Variants in AGPAT4 observed in about 807,000 individuals in gnomAD.
AGPAT4 encodes 1-acyl-sn-glycerol-3-phosphate acyltransferase delta.
A neutral mutation model predicts 48.0 loss-of-function variants in AGPAT4; 15 were observed. The ratio of observed to expected loss-of-function variants is 0.31; its 90% confidence interval spans 0.21 to 0.48. The LOEUF (loss-of-function observed/expected upper bound fraction) is 0.48, where lower values mean the gene tolerates loss of function less well. Among genes scored for constraint, AGPAT4 ranks in the 20% least tolerant of loss-of-function variants. AGPAT4 has a pLI of 0.99. For missense variants in AGPAT4, 314 were observed against 482.5 expected (o/e 0.65, Z 3.27); for synonymous variants, 178 against 198.7 (o/e 0.90, Z 0.88).
In AGPAT4 at chr6:161,166,539, G is replaced by T; in HGVS notation, c.179-122C>A. On this transcript the variant is annotated intron_variant, in intron 2 of 8. Transcript: ENST00000320285. This position sits in a 1 kb window ranked among gnomAD's most constrained non-coding sequence, Gnocchi z 6.7. ...AGCAACTTCTACGGGCAAAGTTCTG[G>T]ATCGTTGCAGCACAGACCTTGGTCC... 1 of 1,166,784 alleles carries T rather than the reference G, an allele frequency of 8.6e-7. No individual in the cohort carries two copies. The highest frequency in any genetic ancestry group is 1.2e-6 in the Non-Finnish European group (1 of 835,098). The allele number at this position is 1,166,784 out of a possible 1,614,324, so 72.3% of individuals were successfully genotyped here.
At position 161,139,654 on chromosome 6, in the gene AGPAT4, C is replaced by T. The variant is rs1033789646; in HGVS notation, c.844-34G>A. 2.6e-6 allele frequency: 4 copies of T among 1,551,572 alleles called. No homozygotes were observed. Among genetic ancestry groups the T allele is most frequent in the Non-Finnish European group, 3.5e-6 (4 of 1,142,282 alleles). The stretch of plus-strand genomic sequence containing the variant: ...CAGGAAAGAGGACCCTCAGACGCCA[C>T]ACGGGGCTCGGTGGCAGGTCCCTCC... On this transcript the variant is annotated intron_variant, in intron 7 of 8. Coordinates refer to ENST00000320285, the MANE Select transcript of AGPAT4 (RefSeq NM_020133.3). This position sits in a 1 kb window ranked among gnomAD's most constrained non-coding sequence, Gnocchi z 9.1.
At position 161,172,509 on chromosome 6, in the gene AGPAT4, G is replaced by A. The variant is rs1052131327; in HGVS notation, c.179-6092C>T. ...AAAGAAGCCTGTCCCTAGCCAGGAC[G>A]GCCACCTGGGAAAGGCCAGCTGGAC... On this transcript the variant is annotated intron_variant, in intron 2 of 8. Coordinates refer to ENST00000320285, the MANE Select transcript of AGPAT4 (RefSeq NM_020133.3). Among the ~76,000 whole-genome samples, 11 of 152,332 alleles carry A rather than the reference G, an allele frequency of 7.2e-5. No homozygotes were observed. In the South Asian group the frequency reaches 1.2e-3, roughly 17 times the overall value.
chr6:161,148,208 C>T lies in AGPAT4; in HGVS notation c.767+979G>A, dbSNP rs1327533960. 2.0e-5 allele frequency among the ~76,000 whole-genome samples: 3 copies of T among 152,190 alleles called. No individual in the cohort carries two copies. The highest frequency in any genetic ancestry group is 4.4e-5 in the Non-Finnish European group (3 of 68,020). ...GTCTCCTTCGGGCAGGTGGGTGATTCTCCTGCCTTCATATGCCACAGAACT... is the reference window on the plus strand; with the variant it reads ...GTCTCCTTCGGGCAGGTGGGTGATTTTCCTGCCTTCATATGCCACAGAACT... On this transcript the variant is annotated intron_variant, in intron 6 of 8. Coordinates refer to ENST00000320285, the MANE Select transcript of AGPAT4 (RefSeq NM_020133.3). This position sits in a 1 kb window ranked among gnomAD's most constrained non-coding sequence, Gnocchi z 5.5.
rs1449686224 is a variant in AGPAT4, at chr6:161,201,414, GAACCTAGA to G, written c.178+30614_178+30621del. 2.0e-5 allele frequency among the ~76,000 whole-genome samples: 3 copies of G among 152,126 alleles called. No homozygotes were observed. Among genetic ancestry groups the G allele is most frequent in the Non-Finnish European group, 4.4e-5 (3 of 68,008 alleles). On this transcript the variant is annotated intron_variant, in intron 2 of 8. Transcript: ENST00000320285. This position sits in a 1 kb window ranked among gnomAD's most constrained non-coding sequence, Gnocchi z 6.0. ...CAAAGAGCACTTGAGGTTAAAAATA[GAACCTAGA>G]AGTAAGAAAGTCATTTGTAAAAACC... is the stretch of plus-strand genomic sequence containing the variant.
Position 161,153,507 on chromosome 6 carries a change from G to T in AGPAT4, c.511-8C>A. 6.2e-7 allele frequency: 1 copy of T among 1,613,216 alleles called. No individual in the cohort carries two copies. On this transcript the variant is annotated splice_polypyrimidine_tract_variant and splice_region_variant and intron_variant, in intron 4 of 8. Transcript: ENST00000320285. ...CTCACAGTGAATCAGGAACTGGAAG[G>T]AAGGAGGCAGGAGTCGCACGCAGCC...
rs1044136773 is a variant in AGPAT4, at chr6:161,130,664, C to T, written c.*5876G>A. On this transcript the variant is annotated 3_prime_UTR_variant, in exon 9 of 9. Coordinates refer to ENST00000320285, the MANE Select transcript of AGPAT4 (RefSeq NM_020133.3). ...AAGCAAAAGAGGGGCTGATCCATCT[C>T]CCGTGAACATCTGTTGACTGTGGGC... 2 of 293,888 alleles carry T rather than the reference C, an allele frequency of 6.8e-6. No homozygotes were observed. The highest frequency in any genetic ancestry group is 1.4e-5 in the Non-Finnish European group (2 of 143,304). 18.2% of individuals were successfully genotyped at this position (293,888 alleles called of 1,614,324 possible). A position where few individuals can be genotyped will look rare whatever the true frequency, so the allele number is the denominator to read the frequency against.
Position 161,261,558 on chromosome 6 carries a change from C to T in AGPAT4, c.-90+12380G>A, listed in dbSNP as rs1783100206. Among the ~76,000 whole-genome samples the T allele has an allele frequency of 6.6e-6, 1 of 152,180 alleles. No homozygotes were observed. Among genetic ancestry groups the T allele is most frequent in the Non-Finnish European group, 1.5e-5 (1 of 68,038 alleles). ...CTCATGATGGGACCTGTCAGAGGGA[C>T]GTAGCTGCTACCCTGAGACCGGGTA... is the stretch of plus-strand genomic sequence containing the variant. On this transcript the variant is annotated intron_variant, in intron 1 of 8. Transcript: ENST00000320285. The surrounding 1 kb of genome is among the most constrained non-coding windows in gnomAD (Gnocchi z 5.3).
rs889630026 is a variant in AGPAT4 at position 161,161,209 on chromosome 6, G to C, written c.348+5039C>G. 6.6e-6 allele frequency: 3 copies of C among 456,574 alleles called. No individual in the cohort carries two copies. 28.3% of individuals were successfully genotyped at this position (456,574 alleles called of 1,614,324 possible). A position where few individuals can be genotyped will look rare whatever the true frequency, so the allele number is the denominator to read the frequency against. On this transcript the variant is annotated intron_variant, in intron 3 of 8. Coordinates refer to ENST00000320285, the MANE Select transcript of AGPAT4 (RefSeq NM_020133.3). This position sits in a 1 kb window ranked among gnomAD's most constrained non-coding sequence, Gnocchi z 4.6. ...CTGCCAGAGGATCCTGGTCAACAAA[G>C]AAGAAGACCCCGGTGTGTCCAACGT... is the stretch of plus-strand genomic sequence containing the variant.
chr6:161,161,134 CA>C lies in AGPAT4; in HGVS notation c.348+5113del, dbSNP rs1042430478. The C allele has an allele frequency of 3.7e-5, 17 of 456,708 alleles. No homozygotes were observed. The highest frequency in any genetic ancestry group is 2.6e-4 in the African/African-American group (13 of 50,178). 28.3% of individuals were successfully genotyped at this position (456,708 alleles called of 1,614,324 possible). ...GGAGGAGGAAGCCCCAAGCTTTCAACAACCCTGGCTTTATGAGCGGTGGGAT... is the reference window on the plus strand; with the variant it reads ...GGAGGAGGAAGCCCCAAGCTTTCAACACCCTGGCTTTATGAGCGGTGGGAT... On this transcript the variant is annotated intron_variant, in intron 3 of 8. Coordinates refer to ENST00000320285, the MANE Select transcript of AGPAT4 (RefSeq NM_020133.3). The surrounding 1 kb of genome is among the most constrained non-coding windows in gnomAD (Gnocchi z 4.6).
Position 161,134,871 on chromosome 6 carries a change from C to CCAT in AGPAT4, c.*1666_*1668dup, listed in dbSNP as rs1357317385. On this transcript the variant is annotated 3_prime_UTR_variant, in exon 9 of 9. Transcript: ENST00000320285. ...GGGTGGGCAGATGTGCTGGGCGCTC[C>CCAT]CATCAAGCCTGCCTGCAGGGCCGCC... 2 of 152,222 alleles carry CCAT rather than the reference C, an allele frequency of 1.3e-5. No individual in the cohort carries two copies. Among genetic ancestry groups the CCAT allele is most frequent in the East Asian group, 1.9e-4 (1 of 5,180 alleles). 9.4% of individuals were successfully genotyped at this position (152,222 alleles called of 1,614,324 possible).
chr6:161,218,829 A>G lies in AGPAT4; in HGVS notation c.178+13207T>C, dbSNP rs1017971356. Among the ~76,000 whole-genome samples the G allele has an allele frequency of 1.3e-5, 2 of 152,254 alleles. No individual in the cohort carries two copies. The highest frequency in any genetic ancestry group is 1.3e-4 in the Admixed American group (2 of 15,288). ...TGATAAAACACTGTATCTACCAAAC[A>G]GTATGATAAAACACTGTATCTACCA... On this transcript the variant is annotated intron_variant, in intron 2 of 8. Transcript: ENST00000320285. The surrounding 1 kb of genome is among the most constrained non-coding windows in gnomAD (Gnocchi z 4.7).
chr6:161,161,726 C>A lies in AGPAT4; in HGVS notation c.348+4522G>T. 2.9e-6 allele frequency: 1 copy of A among 339,008 alleles called. No homozygotes were observed. The highest frequency in any genetic ancestry group is 5.9e-6 in the Non-Finnish European group (1 of 169,864). 21.0% of individuals were successfully genotyped at this position (339,008 alleles called of 1,614,324 possible). A position where few individuals can be genotyped will look rare whatever the true frequency, so the allele number is the denominator to read the frequency against. On this transcript the variant is annotated intron_variant, in intron 3 of 8. Transcript: ENST00000320285. The surrounding 1 kb of genome is among the most constrained non-coding windows in gnomAD (Gnocchi z 4.6). The stretch of plus-strand genomic sequence containing the variant: ...CTGGGGTAAAGGCGGTGAAATAATG[C>A]TGTGTTGCATGAACACGGTCTCCTA...
Position 161,236,935 on chromosome 6 carries a change from C to T in AGPAT4, c.-89-4633G>A, listed in dbSNP as rs1782297810. On this transcript the variant is annotated intron_variant, in intron 1 of 8. Transcript: ENST00000320285. This position sits in a 1 kb window ranked among gnomAD's most constrained non-coding sequence, Gnocchi z 5.0. The stretch of plus-strand genomic sequence containing the variant: ...TAAATAAATAAAAGGCAGGGGGAGG[C>T]TTCTCTCCAGATAATGAGTCCCAGA... 6.6e-6 allele frequency among the ~76,000 whole-genome samples: 1 copy of T among 152,056 alleles called. No individual in the cohort carries two copies. Among genetic ancestry groups the T allele is most frequent in the Non-Finnish European group, 1.5e-5 (1 of 67,996 alleles).
At chr6:161,174,906 G>A (rs1223545358) in intron 2 of AGPAT4, among the ~76,000 whole-genome samples, 9 of 152,118 alleles carry the variant, frequency 5.9e-5, no homozygotes, top group East Asian at 1.9e-4. Context: ...TGAGATGATC[G>A]TGTGGTTTTT....
In AGPAT4 at chr6:161,161,147, A is replaced by T; in HGVS notation, c.348+5101T>A. On this transcript the variant is annotated intron_variant, in intron 3 of 8. Transcript: ENST00000320285. The surrounding 1 kb of genome is among the most constrained non-coding windows in gnomAD (Gnocchi z 4.6). ...CCAAGCTTTCAACAACCCTGGCTTT[A>T]TGAGCGGTGGGATCAGACTCTGGCT... 1 of 456,688 alleles carries T rather than the reference A, an allele frequency of 2.2e-6. No individual in the cohort carries two copies. Among genetic ancestry groups the T allele is most frequent in the Non-Finnish European group, 4.4e-6 (1 of 226,954 alleles). 28.3% of individuals were successfully genotyped at this position (456,688 alleles called of 1,614,324 possible).
Position 161,234,582 on chromosome 6 carries a change from T to C in AGPAT4, c.-89-2280A>G, listed in dbSNP as rs1341925733. 3.3e-5 allele frequency among the ~76,000 whole-genome samples: 5 copies of C among 152,164 alleles called. No individual in the cohort carries two copies. Among genetic ancestry groups the C allele is most frequent in the Non-Finnish European group, 7.3e-5 (5 of 68,040 alleles). On this transcript the variant is annotated intron_variant, in intron 1 of 8. Transcript: ENST00000320285. The surrounding 1 kb of genome is among the most constrained non-coding windows in gnomAD (Gnocchi z 4.4). ...TGGGAGCCACATAAATAGGAGGGGTTTACATGGGTTTGCAGCTTGGCAGCA... is the reference window on the plus strand; with the variant it reads ...TGGGAGCCACATAAATAGGAGGGGTCTACATGGGTTTGCAGCTTGGCAGCA...
chr6:161,132,169 G>A lies in AGPAT4; in HGVS notation c.*4371C>T, dbSNP rs950142792. 6.6e-6 allele frequency: 1 copy of A among 152,170 alleles called. No individual in the cohort carries two copies. The highest frequency in any genetic ancestry group is 6.5e-5 in the Admixed American group (1 of 15,276). 9.4% of individuals were successfully genotyped at this position (152,170 alleles called of 1,614,324 possible). A position where few individuals can be genotyped will look rare whatever the true frequency, so the allele number is the denominator to read the frequency against. ...CCCTTTGTCTGGCATGCACATTCAG[G>A]ATGTGACTTCAGCTTCATTCATCCT... On this transcript the variant is annotated 3_prime_UTR_variant, in exon 9 of 9. Transcript: ENST00000320285.
At chr6:161,151,666 A>G (rs766413546) in intron 5 of AGPAT4, among the ~76,000 whole-genome samples, 1 of 152,202 alleles carries the variant, frequency 6.6e-6, no homozygotes, top group Non-Finnish European at 1.5e-5. Flanking sequence ...GCCCTAACAG[A>G]TTTTGCAGAA....
Position 161,261,960 on chromosome 6 carries a change from C to T in AGPAT4, c.-90+11978G>A. On this transcript the variant is annotated intron_variant, in intron 1 of 8. Coordinates refer to ENST00000320285, the MANE Select transcript of AGPAT4 (RefSeq NM_020133.3). This position sits in a 1 kb window ranked among gnomAD's most constrained non-coding sequence, Gnocchi z 5.3. ...TGGGAAGACTGCTGACCCCCAGGCT[C>T]CCCATCTGTGAAATGGAGATAAGAA... is the stretch of plus-strand genomic sequence containing the variant. Among the ~76,000 whole-genome samples, 1 of 152,144 alleles carries T rather than the reference C, an allele frequency of 6.6e-6. No individual in the cohort carries two copies. Among genetic ancestry groups the T allele is most frequent in the Middle Eastern group, 3.2e-3 (1 of 316 alleles).
Sources: allele counts gnomAD v4.1 joint callset (sites outside exome capture counted in the v4.1 genomes callset), GRCh38; gene constraint gnomAD v4.1.1; non-coding constraint Gnocchi (gnomAD v3.1); transcripts MANE v1.5; gene names NCBI Gene and HGNC (gene_info 2026-07-23, HGNC 2026-07-21).